KATNAL1: variants seen among roughly 807,000 people sequenced by gnomAD.
The protein encoded by KATNAL1 is katanin p60 ATPase-containing subunit A-like 1.
Under a neutral mutation model 55.2 loss-of-function variants are expected in KATNAL1, and 32 were observed. That is an observed-to-expected ratio of 0.58 (90% CI 0.44 to 0.78). KATNAL1 has a LOEUF of 0.78. Among genes scored for constraint, KATNAL1 ranks in the 30% least tolerant of loss-of-function variants. The probability of loss-of-function intolerance (pLI) is 0.00; values close to 1 mark genes in which losing one functional copy is unlikely to be tolerated. For synonymous variants in KATNAL1, 193 were observed against 193.6 expected (o/e 1.00, Z 0.02); for missense variants, 466 against 600.9 (o/e 0.78, Z 2.35).
intron 8 of KATNAL1, among the ~76,000 whole-genome samples, chr13:30,229,290 G>A (rs1030817916): frequency 1.3e-5 from 2 of 151,374 alleles, no homozygotes; most frequent in East Asian, 3.9e-4. Context: ...CCTCTCCTGT[G>A]TTTTCCACTG....
In KATNAL1 at chr13:30,204,773, A is replaced by G. The variant is rs978384850; in HGVS notation, c.*3767T>C. On this transcript the variant is annotated 3_prime_UTR_variant, in exon 11 of 11. Coordinates refer to ENST00000380615, the MANE Select transcript of KATNAL1 (RefSeq NM_032116.5). ...TTTTGAGAGTGAAATATGACATCAC[A>G]ATCTCAGAAGCTGAAATTAAGCCCT... The G allele has an allele frequency of 2.0e-5, 3 of 152,200 alleles. No individual in the cohort carries two copies. The highest frequency in any genetic ancestry group is 2.0e-4 in the Admixed American group (3 of 15,280). 9.4% of individuals were successfully genotyped at this position (152,200 alleles called of 1,614,324 possible). A position where few individuals can be genotyped will look rare whatever the true frequency, so the allele number is the denominator to read the frequency against.
At chr13:30,248,396 T>TA (rs924651214) in intron 4 of KATNAL1, among the ~76,000 whole-genome samples, 14 of 151,600 alleles carry the variant, frequency 9.2e-5, no homozygotes, top group South Asian at 4.2e-4. Flanking sequence ...TACAACAAGG[T>TA]AAAAAAAATA....
At chr13:30,304,373 T>C (rs1175139943) in intron 1 of KATNAL1, among the ~76,000 whole-genome samples, 3 of 151,678 alleles carry the variant, frequency 2.0e-5, no homozygotes, top group Non-Finnish European at 4.4e-5. Context: ...GGGTTCAAGC[T>C]ATTCTCCTGC....
chr13:30,218,557 C>T (rs142571996), intron 9 of KATNAL1, among the ~76,000 whole-genome samples: 16 of 152,296 alleles, frequency 1.1e-4, no homozygotes, highest in African/African-American at 3.9e-4. Context: ...ACTCCCCAAA[C>T]CAGAGGCAGT....
intron 4 of KATNAL1, among the ~76,000 whole-genome samples, chr13:30,247,142 A>C (rs1877875854): frequency 6.6e-6 from 1 of 152,204 alleles, no homozygotes; most frequent in Non-Finnish European, 1.5e-5. Flanking sequence ...TAGGGAATAC[A>C]GCTCCAGAAT....
intron 1 of KATNAL1, chr13:30,296,368 C>A: frequency 8.9e-7 from 1 of 1,122,914 alleles, no homozygotes; most frequent in Non-Finnish European, 1.3e-6. Flanking sequence ...AAGTGCTGGG[C>A]ATCTTGGTGG....
chr13:30,226,439 T>C (rs975029156), intron 9 of KATNAL1, among the ~76,000 whole-genome samples: 1 of 152,218 alleles, frequency 6.6e-6, no homozygotes, highest in Non-Finnish European at 1.5e-5. Flanking sequence ...TGCTGATACA[T>C]GTGATCACAT....
intron 4 of KATNAL1, among the ~76,000 whole-genome samples, chr13:30,244,552 A>C (rs969404342): frequency 6.6e-6 from 1 of 152,194 alleles, no homozygotes; most frequent in Non-Finnish European, 1.5e-5. Context: ...ACAGTGTAAA[A>C]GCGTTCCTAT....
At chr13:30,302,262 A>G (rs1213595975) in intron 1 of KATNAL1, among the ~76,000 whole-genome samples, 1 of 152,232 alleles carries the variant, frequency 6.6e-6, no homozygotes, top group Non-Finnish European at 1.5e-5. Context: ...GTAAGCACCT[A>G]CCACATTAAG....
In KATNAL1 at chr13:30,205,638, G is replaced by GTGTGTGTA. The variant is rs1873042837; in HGVS notation, c.*2901_*2902insTACACACA. ...AGTGTGTGTGTGTGTGTGTATGTGA[G>GTGTGTGTA]TGTGAGTGTGTGTGTGATGTACATT... On this transcript the variant is annotated 3_prime_UTR_variant, in exon 11 of 11. Transcript: ENST00000380615. 1 of 26,262 alleles carries GTGTGTGTA rather than the reference G, an allele frequency of 3.8e-5. No homozygotes were observed. Among genetic ancestry groups the GTGTGTGTA allele is most frequent in the Non-Finnish European group, 6.6e-5 (1 of 15,206 alleles). The allele number at this position is 26,262 out of a possible 1,614,324, so 1.6% of individuals were successfully genotyped here. A position where few individuals can be genotyped will look rare whatever the true frequency, so the allele number is the denominator to read the frequency against.
At chr13:30,221,078 C>T (rs963517554) in intron 9 of KATNAL1, among the ~76,000 whole-genome samples, 1 of 152,060 alleles carries the variant, frequency 6.6e-6, no homozygotes, top group Non-Finnish European at 1.5e-5. Context: ...TACAGAGTAA[C>T]AGCCAGAAAA....
Position 30,271,812 on chromosome 13 carries a change from G to A in KATNAL1, c.323+8251C>T, listed in dbSNP as rs1386609993. Among the ~76,000 whole-genome samples, 3 of 140,530 alleles carry A rather than the reference G, an allele frequency of 2.1e-5. No individual in the cohort carries two copies. In the East Asian group the frequency reaches 6.5e-4, roughly 31 times the overall value. 92.2% of individuals were successfully genotyped at this position (140,530 alleles called of 152,430 possible). A position where few individuals can be genotyped will look rare whatever the true frequency, so the allele number is the denominator to read the frequency against. On this transcript the variant is annotated intron_variant, in intron 3 of 10. Coordinates refer to ENST00000380615, the MANE Select transcript of KATNAL1 (RefSeq NM_032116.5). ...TCTTTGGCTCCATAGGGCTCACAAAGCTAAGGACTAGGGAGCAACAAGTGG... is the reference window on the plus strand; with the variant it reads ...TCTTTGGCTCCATAGGGCTCACAAAACTAAGGACTAGGGAGCAACAAGTGG...
chr13:30,306,204 T>C (rs1883166133), intron 1 of KATNAL1, among the ~76,000 whole-genome samples: 1 of 152,204 alleles, frequency 6.6e-6, no homozygotes, highest in African/African-American at 2.4e-5. Flanking sequence ...CAGCTTCCTT[T>C]ACCAGCAAGT....
chr13:30,280,073 C>A lies in KATNAL1; in HGVS notation c.313G>T (p.Ala105Ser), dbSNP rs970304130. 1 of 1,611,090 alleles carries A rather than the reference C, an allele frequency of 6.2e-7. No individual in the cohort carries two copies. The highest frequency in any genetic ancestry group is 1.3e-5 in the African/African-American group (1 of 74,774). The change falls in exon 3 of 11, where the codon GCA becomes TCA. Residue 105 changes from alanine to serine, a missense_variant. Coordinates refer to ENST00000380615, the MANE Select transcript of KATNAL1 (RefSeq NM_032116.5). Reference protein sequence around the residue: ...DPAVWPPPVPAEHRAPPQIRR... With the variant: ...DPAVWPPPVPSEHRAPPQIRR... ...TAAAGTCCTATTTACCTGTGTTCTGCAGGAACAGGGGGTGGCCAAACAGCA... is the reference window on the plus strand; with the variant it reads ...TAAAGTCCTATTTACCTGTGTTCTGAAGGAACAGGGGGTGGCCAAACAGCA...
intron 8 of KATNAL1, among the ~76,000 whole-genome samples, chr13:30,229,641 C>T (rs1261380593): frequency 6.6e-6 from 1 of 152,006 alleles, no homozygotes; most frequent in Admixed American, 6.6e-5. Flanking sequence ...TTGCTTGAGC[C>T]CAGGAGGTCA....
chr13:30,252,079 C>A (rs1878370497), intron 4 of KATNAL1, among the ~76,000 whole-genome samples: 1 of 152,140 alleles, frequency 6.6e-6, no homozygotes, highest in African/African-American at 2.4e-5. Flanking sequence ...GTCTGTATAG[C>A]ATAATGATTA....
intron 4 of KATNAL1, among the ~76,000 whole-genome samples, chr13:30,244,644 T>C (rs544007451): frequency 3.3e-5 from 5 of 152,230 alleles, no homozygotes; most frequent in South Asian, 2.1e-4. Context: ...GCAAAACAGA[T>C]AGACTGCTAG....
chr13:30,247,717 C>G (rs1331261644), intron 4 of KATNAL1, among the ~76,000 whole-genome samples: 2 of 152,104 alleles, frequency 1.3e-5, no homozygotes. Flanking sequence ...CTATGCAGAG[C>G]CTTGTAGACC....
At chr13:30,297,362 T>A (rs1478094891) in intron 1 of KATNAL1, among the ~76,000 whole-genome samples, 2 of 146,802 alleles carry the variant, frequency 1.4e-5, no homozygotes, top group Non-Finnish European at 2.9e-5. Context: ...ATTGTTAGCA[T>A]TTTTTAGCAA....
Sources: gnomAD v4.1 joint callset for allele counts (sites outside exome capture counted in the v4.1 genomes callset) on GRCh38, gnomAD v4.1.1 for gene constraint, MANE v1.5 for transcripts, NCBI Gene and HGNC (gene_info 2026-07-23, HGNC 2026-07-21) for gene names.